TRIM23: variants seen among roughly 807,000 people sequenced by gnomAD.
TRIM23 encodes the protein tripartite motif containing 23, also known as E3 ubiquitin-protein ligase TRIM23.
Under a neutral mutation model 71.0 loss-of-function variants are expected in TRIM23, and 27 were observed. The ratio of observed to expected loss-of-function variants is 0.38; its 90% CI spans 0.28 to 0.52. The LOEUF (loss-of-function observed/expected upper bound fraction) is 0.52, where lower values mean the gene tolerates loss of function less well. Among genes scored for constraint, TRIM23 ranks in the 20% least tolerant of loss-of-function variants. The pLI, the probability that TRIM23 is intolerant of heterozygous loss-of-function variation, is 0.84. For synonymous variants in TRIM23, 234 were observed against 238.0 expected, an observed-to-expected ratio of 0.98 and a Z score of 0.16; for missense variants, 482 against 692.3, an observed-to-expected ratio of 0.70 and a Z score of 3.41.
rs539024384 is a variant in TRIM23, at chr5:65,597,026, G to C, written c.1309+25C>G. 50 of 1,612,000 alleles carry C rather than the reference G, an allele frequency of 3.1e-5. No homozygotes were observed. In the South Asian group the frequency reaches 4.4e-4, roughly 14 times the overall value. ...CTGTAAGCTAGGGTTTGTCTATTAA[G>C]GTAAAAACCAATATTCATACTTACC... is the stretch of plus-strand genomic sequence containing the variant. On this transcript the variant is annotated intron_variant, in intron 8 of 10. Coordinates refer to ENST00000231524, the MANE Select transcript of TRIM23 (RefSeq NM_001656.4).
At chr5:65,612,130 C>G (rs565219057) in intron 3 of TRIM23, among the ~76,000 whole-genome samples, 12 of 152,310 alleles carry the variant, frequency 7.9e-5, no homozygotes, top group Non-Finnish European at 1.5e-4. Context: ...TAGAACTATT[C>G]TCATAGATTC....
In TRIM23 at chr5:65,591,601, A is replaced by G. The variant is rs1754026890; in HGVS notation, c.*168T>C. 2.0e-5 allele frequency: 25 copies of G among 1,252,636 alleles called. No homozygotes were observed. Among genetic ancestry groups the G allele is most frequent in the Non-Finnish European group, 2.5e-5 (24 of 967,290 alleles). 77.6% of individuals were successfully genotyped at this position (1,252,636 alleles called of 1,614,324 possible). A position where few individuals can be genotyped will look rare whatever the true frequency, so the allele number is the denominator to read the frequency against. Reference sequence around the variant, plus strand: ...AATTAGAAATTTAATTCTGCCACAAAATTTTTTTAAAGCAAAGTACTGAAT... The same window carrying G: ...AATTAGAAATTTAATTCTGCCACAAGATTTTTTTAAAGCAAAGTACTGAAT... On this transcript the variant is annotated 3_prime_UTR_variant, in exon 11 of 11. Transcript: ENST00000231524.
At chr5:65,623,170 A>G (rs1211283983) in intron 1 of TRIM23, among the ~76,000 whole-genome samples, 1 of 152,340 alleles carries the variant, frequency 6.6e-6, no homozygotes, top group Admixed American at 6.5e-5. Context: ...CTGAATAATC[A>G]TAGGTGTCTA....
chr5:65,597,477 T>TA (rs1368687795), intron 7 of TRIM23, among the ~76,000 whole-genome samples: 1 of 152,150 alleles, frequency 6.6e-6, no homozygotes, highest in African/African-American at 2.4e-5. Context: ...TATGCTATAC[T>TA]AAAAAAATCA....
At chr5:65,621,104 G>C (rs1000328476) in intron 1 of TRIM23, among the ~76,000 whole-genome samples, 1 of 152,152 alleles carries the variant, frequency 6.6e-6, no homozygotes, top group Non-Finnish European at 1.5e-5. Context: ...TGTAATCTCA[G>C]CACTTTGGGA....
chr5:65,596,107 G>A (rs886935404), intron 9 of TRIM23, among the ~76,000 whole-genome samples: 6 of 152,060 alleles, frequency 3.9e-5, no homozygotes, highest in Non-Finnish European at 8.8e-5. Flanking sequence ...ATACCACTAC[G>A]CTACCAGCAG....
Position 65,602,542 on chromosome 5 carries a change from T to G in TRIM23, c.1179+2369A>C, listed in dbSNP as rs1435102344. 5.3e-5 allele frequency among the ~76,000 whole-genome samples: 8 copies of G among 152,188 alleles called. No homozygotes were observed. The South Asian group carries it at 1.4e-3, about 28-fold the overall frequency. On this transcript the variant is annotated intron_variant, in intron 7 of 10. Coordinates refer to ENST00000231524, the MANE Select transcript of TRIM23 (RefSeq NM_001656.4). ...CTCTACCTGTTACCCAGTTCCAAAG[T>G]TGCCTGCACATTTTTGGGTATCCTT...
intron 3 of TRIM23, among the ~76,000 whole-genome samples, chr5:65,613,398 T>C (rs1413426975): frequency 6.6e-6 from 1 of 152,226 alleles, no homozygotes; most frequent in Non-Finnish European, 1.5e-5. Context: ...TTTTCCTTCA[T>C]ACAAAATATG....
intron 10 of TRIM23, among the ~76,000 whole-genome samples, chr5:65,593,044 C>CT (rs75865575): frequency 0.074 from 11,268 of 152,212 alleles, 417 homozygotes; most frequent in East Asian, 0.095. Flanking sequence ...CTTTGGATAT[C>CT]TGTCTACCAG....
chr5:65,596,311 GTAT>G (rs768352867), intron 9 of TRIM23, 107 bp downstream of exon 9: 134 of 738,026 alleles, frequency 1.8e-4, no homozygotes, highest in Middle Eastern at 8.8e-4. Flanking sequence ...AGGTACTTAA[GTAT>G]ACAGTCAACG....
chr5:65,600,622 T>TAAAAAAAAAAAAAAAAAAAAAAAAAAA (rs34809421), intron 7 of TRIM23, among the ~76,000 whole-genome samples: 1 of 102,330 alleles, frequency 9.8e-6, no homozygotes. Context: ...AAAAGCACAG[T>TAAAAAAAAAAAAAAAAAAAAAAAAAAA]AAAAAAAAAA....
Position 65,611,830 on chromosome 5 carries a change from T to C in TRIM23, c.418A>G (p.Thr140Ala). Residue 140 changes from threonine (T) to alanine (A), a missense_variant, in exon 4 of 11, where the codon ACT becomes GCT. By Grantham distance (58) the Thr-to-Ala change is moderately conservative. This residue lies in a region of TRIM23 where 175 missense variants were observed against 196.5 expected (regional missense o/e 0.89). Transcript: ENST00000231524. ...DEAHLASVYC[T>A]VCATHLCSEC... ...GAGCACAAATGAGTTGCACACACAGTGCAATATACAGAGGCAAGGTGAGCT... is the reference window on the plus strand; with the variant it reads ...GAGCACAAATGAGTTGCACACACAGCGCAATATACAGAGGCAAGGTGAGCT... The C allele has an allele frequency of 1.2e-6, 2 of 1,614,140 alleles. No homozygotes were observed. Among genetic ancestry groups the C allele is most frequent in the East Asian group, 2.2e-5 (1 of 44,878 alleles).
intron 6 of TRIM23, among the ~76,000 whole-genome samples, chr5:65,606,585 C>T (rs1396410407): frequency 6.6e-6 from 1 of 152,124 alleles, no homozygotes; most frequent in Admixed American, 6.5e-5. Context: ...GCTTATTCTA[C>T]TCCAGTCAAG....
intron 5 of TRIM23, among the ~76,000 whole-genome samples, chr5:65,610,220 A>C (rs554043700): frequency 6.6e-6 from 1 of 152,278 alleles, no homozygotes; most frequent in African/African-American, 2.4e-5. Context: ...GCCTGCTTCC[A>C]ATTTTGTTGC....
Position 65,591,717 on chromosome 5 carries a change from T to C in TRIM23, c.*52A>G. On this transcript the variant is annotated 3_prime_UTR_variant, in exon 11 of 11. Transcript: ENST00000231524. Reference sequence around the variant, plus strand: ...ATGTATAATTTCTTAAAACATACTATGTGCAAAGTTACTTTTAACCACAAA... The same window carrying C: ...ATGTATAATTTCTTAAAACATACTACGTGCAAAGTTACTTTTAACCACAAA... 6.5e-7 allele frequency: 1 copy of C among 1,545,746 alleles called. No individual in the cohort carries two copies. The highest frequency in any genetic ancestry group is 1.3e-5 in the South Asian group (1 of 77,318).
chr5:65,594,125 G>A (rs979406539), intron 10 of TRIM23, among the ~76,000 whole-genome samples: 1 of 152,138 alleles, frequency 6.6e-6, no homozygotes, highest in East Asian at 1.9e-4. Context: ...TATCTTCTCT[G>A]TCTATAATGT....
chr5:65,619,852 C>T (rs983507158), intron 1 of TRIM23, among the ~76,000 whole-genome samples: 27 of 152,056 alleles, frequency 1.8e-4, no homozygotes, highest in Admixed American at 2.6e-4. Context: ...GAGGCCGAGG[C>T]GAGTGGATCA....
At chr5:65,605,283 T>C (rs189997064) in intron 6 of TRIM23, among the ~76,000 whole-genome samples, 2 of 152,160 alleles carry the variant, frequency 1.3e-5, no homozygotes, top group African/African-American at 4.8e-5. Context: ...GAATAAACCA[T>C]AGCTACACGT....
At chr5:65,624,062 T>A (rs1041134238) in intron 1 of TRIM23, 132 bp downstream of exon 1, 2 of 998,504 alleles carry the variant, frequency 2.0e-6, no homozygotes, top group Non-Finnish European at 3.0e-6. Flanking sequence ...GGACGAGACT[T>A]GTAATGCCAA....
Sources: gnomAD v4.1 joint callset for allele counts (sites outside exome capture counted in the v4.1 genomes callset) on GRCh38, gnomAD v4.1.1 for gene constraint, gnomAD v4.1.1 regional missense constraint, MANE v1.5 for transcripts, NCBI Gene and HGNC (gene_info 2026-07-23, HGNC 2026-07-21) for gene names.